LNPEP: variants seen among roughly 807,000 people sequenced by gnomAD.
The protein encoded by LNPEP is leucyl and cystinyl aminopeptidase.
In LNPEP, 64 loss-of-function variants were observed where a neutral mutation model predicts 120.6. The ratio of observed to expected loss-of-function variants is 0.53; its 90% CI spans 0.43 to 0.65. LNPEP has a LOEUF of 0.65. Among genes scored for constraint, LNPEP ranks in the 30% least tolerant of loss-of-function variants. LNPEP has a pLI of 0.00. For missense variants in LNPEP, 1,057 were observed against 1,200.0 expected, an observed-to-expected ratio of 0.88 and a Z score of 1.76; for synonymous variants, 435 against 425.4, an observed-to-expected ratio of 1.02 and a Z score of -0.28.
In LNPEP at chr5:97,037,108, CAA is replaced by C. The variant is rs1257095188; in HGVS notation, c.*8578_*8579del. The C allele has an allele frequency of 6.6e-6, 1 of 152,114 alleles. No homozygotes were observed. The highest frequency in any genetic ancestry group is 2.4e-5 in the African/African-American group (1 of 41,428). 9.4% of individuals were successfully genotyped at this position (152,114 alleles called of 1,614,324 possible). Reference sequence around the variant, plus strand: ...ATTAATCAACAAACTCACATTGAGACAAAACTTAGTTTTACAGCTGTCTTGAT... The same window carrying C: ...ATTAATCAACAAACTCACATTGAGACAACTTAGTTTTACAGCTGTCTTGAT... On this transcript the variant is annotated 3_prime_UTR_variant, in exon 18 of 18. Transcript: ENST00000231368.
intron 1 of LNPEP, among the ~76,000 whole-genome samples, chr5:96,949,400 G>A (rs1789270059): frequency 6.6e-6 from 1 of 152,218 alleles, no homozygotes; most frequent in East Asian, 1.9e-4. Context: ...TAGGTTGCAT[G>A]CTTCTTATGA....
chr5:96,970,809 T>A (rs986287892), intron 1 of LNPEP, among the ~76,000 whole-genome samples: 19 of 152,092 alleles, frequency 1.2e-4, no homozygotes, highest in African/African-American at 4.6e-4. Context: ...TTAATTTCTC[T>A]TACTCAACTT....
chr5:96,973,263 G>C (rs912493698), intron 1 of LNPEP, among the ~76,000 whole-genome samples: 8 of 151,870 alleles, frequency 5.3e-5, no homozygotes, highest in Non-Finnish European at 8.8e-5. Context: ...TTGTCCATTT[G>C]GACCTACCCA....
At chr5:96,988,339 C>CTTTTTTTTTTTTTTTTTTTT (rs201343272) in intron 4 of LNPEP, among the ~76,000 whole-genome samples, 4 of 125,236 alleles carry the variant, frequency 3.2e-5, no homozygotes, top group African/African-American at 6.2e-5. Flanking sequence ...TTTTTCTTTT[C>CTTTTTTTTTTTTTTTTTTTT]TTTTTTTTTT....
intron 12 of LNPEP, 76 bp downstream of exon 12, chr5:97,013,907 A>G: frequency 9.1e-7 from 1 of 1,101,136 alleles, no homozygotes; most frequent in South Asian, 1.8e-5. Context: ...TATGAAAAAC[A>G]GTTTGAAAGA....
chr5:96,954,751 T>C (rs372994975), intron 1 of LNPEP, among the ~76,000 whole-genome samples: 1,430 of 24,946 alleles, frequency 0.057, 382 homozygotes, highest in Non-Finnish European at 0.084. Flanking sequence ...TATATACACA[T>C]ATATATATAT....
chr5:96,986,713 G>A, intron 4 of LNPEP, 43 bp downstream of exon 4: 1 of 1,592,074 alleles, frequency 6.3e-7, no homozygotes. Context: ...TGTCACAAGA[G>A]GCTCAGAGGA....
Position 97,028,639 on chromosome 5 carries a change from T to A in LNPEP, c.*106T>A. ...TAAAGCCAGGATCGCTGCCAAGTTG[T>A]TTGCACTCTTTGGAGTTCTAGTTAG... On this transcript the variant is annotated 3_prime_UTR_variant, in exon 18 of 18. Coordinates refer to ENST00000231368, the MANE Select transcript of LNPEP (RefSeq NM_005575.3). The A allele has an allele frequency of 8.5e-7, 1 of 1,177,516 alleles. No individual in the cohort carries two copies. Among genetic ancestry groups the A allele is most frequent in the East Asian group, 2.4e-5 (1 of 42,056 alleles). The allele number at this position is 1,177,516 out of a possible 1,614,324, so 72.9% of individuals were successfully genotyped here.
In LNPEP at chr5:97,022,451, T is replaced by C; in HGVS notation, c.2528T>C (p.Phe843Ser). ...GNCSTTAMKL[F>S]DDWMASNGTQ... ...TGCTCTACTACTGCCATGAAACTGT[T>C]TGATGACTGGATGGCATCCAATGGA... The change falls in exon 14 of 18, where the codon TTT becomes TCT. Residue 843 changes from phenylalanine to serine, a missense_variant. Physicochemically the swap from Phe to Ser is radical, Grantham distance 155 (BLOSUM62 -2). Coordinates refer to ENST00000231368, the MANE Select transcript of LNPEP (RefSeq NM_005575.3). The C allele has an allele frequency of 1.9e-6, 3 of 1,614,062 alleles. No homozygotes were observed. The highest frequency in any genetic ancestry group is 2.5e-6 in the Non-Finnish European group (3 of 1,179,964).
In LNPEP at chr5:97,029,740, CTT is replaced by C. The variant is rs1311923980; in HGVS notation, c.*1213_*1214del. The C allele has an allele frequency of 2.0e-5, 3 of 151,828 alleles. No homozygotes were observed. Among genetic ancestry groups the C allele is most frequent in the Non-Finnish European group, 4.4e-5 (3 of 67,916 alleles). The allele number at this position is 151,828 out of a possible 1,614,324, so 9.4% of individuals were successfully genotyped here. ...TGTTTAGTTAAAAATTGTAGTTTTT[CTT>C]TTTTTGTGTGTCCAAACTAACATAA... On this transcript the variant is annotated 3_prime_UTR_variant, in exon 18 of 18. Transcript: ENST00000231368.
chr5:96,984,102 G>A (rs1050720154), intron 2 of LNPEP, among the ~76,000 whole-genome samples: 41 of 152,094 alleles, frequency 2.7e-4, no homozygotes, highest in Admixed American at 4.6e-4. Context: ...TGTGTTCCCG[G>A]ACCAAACTGA....
rs1791490816 is a variant in LNPEP, at chr5:97,032,493, GT to G, written c.*3965del. The stretch of plus-strand genomic sequence containing the variant: ...ATATACTTTAAAAATGTACATACAT[GT>G]TTTTGATAGTTTTTATATTATTTCA... On this transcript the variant is annotated 3_prime_UTR_variant, in exon 18 of 18. Coordinates refer to ENST00000231368, the MANE Select transcript of LNPEP (RefSeq NM_005575.3). 1 of 152,010 alleles carries G rather than the reference GT, an allele frequency of 6.6e-6. No homozygotes were observed. The highest frequency in any genetic ancestry group is 2.1e-4 in the South Asian group (1 of 4,824). 9.4% of individuals were successfully genotyped at this position (152,010 alleles called of 1,614,324 possible). A position where few individuals can be genotyped will look rare whatever the true frequency, so the allele number is the denominator to read the frequency against.
chr5:97,027,682 C>G (rs754824906), intron 16 of LNPEP, 51 bp from the exon 17 acceptor site: 1 of 1,167,462 alleles, frequency 8.6e-7, no homozygotes, highest in Admixed American at 1.7e-5. Flanking sequence ...AGGAACAACG[C>G]TTTACCAGCA....
chr5:97,031,971 T>C lies in LNPEP; in HGVS notation c.*3438T>C, dbSNP rs1415976162. ...TGAGATGGATTTTAAAAAGAGTCTA[T>C]TTAAACCAAAGTACCTGGAACCATA... is the stretch of plus-strand genomic sequence containing the variant. On this transcript the variant is annotated 3_prime_UTR_variant, in exon 18 of 18. Coordinates refer to ENST00000231368, the MANE Select transcript of LNPEP (RefSeq NM_005575.3). The C allele has an allele frequency of 6.6e-6, 1 of 152,206 alleles. No individual in the cohort carries two copies. The highest frequency in any genetic ancestry group is 1.9e-4 in the East Asian group (1 of 5,202). The allele number at this position is 152,206 out of a possible 1,614,324, so 9.4% of individuals were successfully genotyped here. A position where few individuals can be genotyped will look rare whatever the true frequency, so the allele number is the denominator to read the frequency against.
chr5:97,009,060 C>T (rs116587524), intron 11 of LNPEP, among the ~76,000 whole-genome samples: 1 of 152,268 alleles, frequency 6.6e-6, no homozygotes, highest in Non-Finnish European at 1.5e-5. Flanking sequence ...TAGGCCCTTA[C>T]CTGGCATTCT....
chr5:96,981,764 ACAGT>A (rs1243499294), intron 2 of LNPEP, among the ~76,000 whole-genome samples: 2 of 152,206 alleles, frequency 1.3e-5, no homozygotes, highest in African/African-American at 2.4e-5. Flanking sequence ...AGAGACAGAG[ACAGT>A]CAGTAACCTT....
At chr5:96,966,708 C>T (rs1003319770) in intron 1 of LNPEP, among the ~76,000 whole-genome samples, 6 of 152,024 alleles carry the variant, frequency 3.9e-5, no homozygotes, top group Non-Finnish European at 8.8e-5. Flanking sequence ...TGGGTCACAA[C>T]ACTTTTCAAA....
intron 1 of LNPEP, among the ~76,000 whole-genome samples, chr5:96,962,256 T>A (rs73775597): frequency 3.2e-4 from 48 of 152,212 alleles, no homozygotes; most frequent in African/African-American, 1.1e-3. Context: ...TCTAAAAGGG[T>A]GTTAAAGGGG....
intron 1 of LNPEP, among the ~76,000 whole-genome samples, chr5:96,960,406 T>A (rs1369159556): frequency 6.6e-6 from 1 of 152,218 alleles, no homozygotes; most frequent in African/African-American, 2.4e-5. Context: ...AAAACTTGGT[T>A]CAATGTAGAA....
Sources: allele counts gnomAD v4.1 joint callset (sites outside exome capture counted in the v4.1 genomes callset), GRCh38; gene constraint gnomAD v4.1.1; transcripts MANE v1.5; gene names NCBI Gene and HGNC (gene_info 2026-07-23, HGNC 2026-07-21).